Variants in GNAL observed in about 807,000 individuals in gnomAD.
GNAL encodes guanine nucleotide-binding protein G(olf) subunit alpha.
A neutral mutation model predicts 55.1 loss-of-function variants in GNAL; 18 were observed. The ratio of observed to expected loss-of-function variants is 0.33; its 90% CI spans 0.23 to 0.48. The LOEUF (loss-of-function observed/expected upper bound fraction) is 0.48. GNAL is among the 20% of genes least tolerant of loss of function. GNAL has a pLI of 0.99. For synonymous variants in GNAL, 253 were observed against 237.0 expected (o/e 1.07, Z -0.62); for missense variants, 412 against 614.1 (o/e 0.67, Z 3.48).
intron 4 of GNAL, among the ~76,000 whole-genome samples, chr18:11,817,476 C>A (rs1385267697): frequency 1.3e-5 from 2 of 152,210 alleles, no homozygotes; most frequent in African/African-American, 4.8e-5. Flanking sequence ...AAACGTTAAC[C>A]TCATGCAGTT....
chr18:11,715,845 AG>A (rs1292919490), intron 1 of GNAL, among the ~76,000 whole-genome samples: 2 of 152,122 alleles, frequency 1.3e-5, no homozygotes, highest in African/African-American at 4.8e-5. Flanking sequence ...AGTTCTAGAT[AG>A]ATTTTGAAGG....
chr18:11,855,952 A>G (rs1261485291), intron 5 of GNAL, among the ~76,000 whole-genome samples: 1 of 151,148 alleles, frequency 6.6e-6, no homozygotes, highest in African/African-American at 2.5e-5. Flanking sequence ...AGCCTGGGCA[A>G]CAAGAGCGAA....
intron 4 of GNAL, among the ~76,000 whole-genome samples, chr18:11,813,905 A>T (rs1001804051): frequency 2.6e-5 from 4 of 152,112 alleles, no homozygotes; most frequent in African/African-American, 7.2e-5. Context: ...TTAAAAAAAA[A>T]TTTTAACAGA....
At chr18:11,717,317 G>A (rs1052400468) in intron 1 of GNAL, among the ~76,000 whole-genome samples, 18 of 152,206 alleles carry the variant, frequency 1.2e-4, no homozygotes, top group South Asian at 2.1e-4. Context: ...TGAGGGAGCC[G>A]GCTCTGGCCT....
intron 1 of GNAL, among the ~76,000 whole-genome samples, chr18:11,707,299 C>T (rs2031735716): frequency 6.6e-6 from 1 of 152,168 alleles, no homozygotes; most frequent in African/African-American, 2.4e-5. Context: ...CTGCTTGATC[C>T]ATGGGCTGAA....
intron 1 of GNAL, among the ~76,000 whole-genome samples, chr18:11,749,968 C>T (rs2032777880): frequency 1.3e-5 from 2 of 152,130 alleles, no homozygotes; most frequent in African/African-American, 2.4e-5. Flanking sequence ...AGTGATGTGG[C>T]TGGATTTGTA....
chr18:11,837,793 C>A (rs7228710), intron 5 of GNAL, among the ~76,000 whole-genome samples: 155 of 152,278 alleles, frequency 1.0e-3, no homozygotes, highest in African/African-American at 3.7e-3. Flanking sequence ...AAATATACAT[C>A]CATGCAAAAA....
At position 11,830,693 on chromosome 18, in the gene GNAL, T is replaced by TA. The variant is rs2035360667; in HGVS notation, c.722+5678_722+5679insA. Reference sequence around the variant, plus strand: ...GGTAGATGGATGTTCATAGCAATATTTGTCATCATAACTAAAAGGTGAAAA... The same window carrying TA: ...GGTAGATGGATGTTCATAGCAATATTATGTCATCATAACTAAAAGGTGAAAA... On this transcript the variant is annotated intron_variant, in intron 5 of 11. Coordinates refer to ENST00000334049, the MANE Select transcript of GNAL (RefSeq NM_182978.4). Among the ~76,000 whole-genome samples the TA allele has an allele frequency of 2.6e-5, 4 of 152,306 alleles. No homozygotes were observed. The South Asian group carries it at 6.2e-4, about 24-fold the overall frequency.
At chr18:11,807,750 C>G (rs1160300234) in intron 4 of GNAL, among the ~76,000 whole-genome samples, 1 of 152,008 alleles carries the variant, frequency 6.6e-6, no homozygotes, top group South Asian at 2.1e-4. Context: ...AGGCAGTGAG[C>G]TTACATAGAG....
chr18:11,837,758 C>G (rs2035528036), intron 5 of GNAL, among the ~76,000 whole-genome samples: 1 of 152,168 alleles, frequency 6.6e-6, no homozygotes, highest in Admixed American at 6.5e-5. Flanking sequence ...AATTCCACTC[C>G]CAAGTGTATG....
Position 11,866,283 on chromosome 18 carries a change from GTAAAGCGTACGGAT to G in GNAL, c.852-880_852-867del, listed in dbSNP as rs574071502. Among the ~76,000 whole-genome samples the G allele has an allele frequency of 8.6e-5, 13 of 150,394 alleles. No homozygotes were observed. In the South Asian group the frequency reaches 1.2e-3, roughly 14 times the overall value. On this transcript the variant is annotated intron_variant, in intron 7 of 11. Coordinates refer to ENST00000334049, the MANE Select transcript of GNAL (RefSeq NM_182978.4). ...CTCAGCGTGCCCCACGTGTGCTAAT[GTAAAGCGTACGGAT>G]TAAATTCTAATAGGATCAGCAACAT...
rs555804270 is a variant in GNAL at position 11,864,924 on chromosome 18, G to T, written c.851+318G>T. Among the ~76,000 whole-genome samples the T allele has an allele frequency of 3.9e-5, 6 of 152,238 alleles. 1 individual carries two copies. Among genetic ancestry groups the T allele is most frequent in the Admixed American group, 3.9e-4 (6 of 15,286 alleles). On this transcript the variant is annotated intron_variant, in intron 7 of 11. Transcript: ENST00000334049. Reference sequence around the variant, plus strand: ...ACAGTCACAGGTTGAGAACTGAAATGAGCAGTTTATGTGTGTCTCCAGCCC... The same window carrying T: ...ACAGTCACAGGTTGAGAACTGAAATTAGCAGTTTATGTGTGTCTCCAGCCC...
chr18:11,790,646 C>CTTT (rs2034203266), intron 4 of GNAL, among the ~76,000 whole-genome samples: 1 of 124,338 alleles, frequency 8.0e-6, no homozygotes, highest in South Asian at 2.5e-4. Context: ...CTTTTCTTTT[C>CTTT]TTTTCTTTTT....
At chr18:11,827,887 C>T (rs774447994) in intron 5 of GNAL, among the ~76,000 whole-genome samples, 4 of 150,364 alleles carry the variant, frequency 2.7e-5, no homozygotes, top group Non-Finnish European at 5.9e-5. Flanking sequence ...AGGGGAATGG[C>T]GTGAACCCGG....
intron 4 of GNAL, chr18:11,810,613 G>C (rs2034787472): frequency 6.6e-6 from 1 of 152,262 alleles, no homozygotes; most frequent in Non-Finnish European, 1.5e-5. Context: ...GCTGTCCAGT[G>C]GTGGGTCACT....
At chr18:11,768,453 T>A (rs1236552853) in intron 4 of GNAL, among the ~76,000 whole-genome samples, 6 of 150,676 alleles carry the variant, frequency 4.0e-5, no homozygotes, top group Admixed American at 4.0e-4. Flanking sequence ...AATACAAAAT[T>A]AGCTGGGCGT....
chr18:11,809,391 A>G (rs2034751660), intron 4 of GNAL, among the ~76,000 whole-genome samples: 1 of 152,224 alleles, frequency 6.6e-6, no homozygotes, highest in African/African-American at 2.4e-5. Context: ...GCACAACTCT[A>G]CAAATATTCT....
intron 1 of GNAL, among the ~76,000 whole-genome samples, chr18:11,706,832 C>A (rs578173566): frequency 3.9e-5 from 6 of 152,292 alleles, no homozygotes; most frequent in Non-Finnish European, 8.8e-5. Flanking sequence ...AGTTCTCTTG[C>A]TATTTCTACC....
Position 11,722,903 on chromosome 18 carries a change from C to T in GNAL, c.377-29950C>T, listed in dbSNP as rs369857058. ...GCGCATGCCTATAATCCCAGCTACT[C>T]GAGAGGCTGAGGCAGGAGAATCACT... On this transcript the variant is annotated intron_variant, in intron 1 of 11. Coordinates refer to ENST00000334049, the MANE Select transcript of GNAL (RefSeq NM_182978.4). Among the ~76,000 whole-genome samples, 3 of 151,748 alleles carry T rather than the reference C, an allele frequency of 2.0e-5. No homozygotes were observed. In the East Asian group the frequency reaches 5.8e-4, roughly 29 times the overall value.
Sources: gnomAD v4.1 joint callset for allele counts (sites outside exome capture counted in the v4.1 genomes callset) on GRCh38, gnomAD v4.1.1 for gene constraint, MANE v1.5 for transcripts, NCBI Gene and HGNC (gene_info 2026-07-23, HGNC 2026-07-21) for gene names.